The following EIF4G3 variants were observed in gnomAD, a reference collection of about 807,000 sequenced individuals.
EIF4G3 encodes the protein eukaryotic translation initiation factor 4 gamma 3, also known as eIF-4-gamma 3.
Under a neutral mutation model 186.4 loss-of-function variants are expected in EIF4G3, and 34 were observed. The ratio of observed to expected loss-of-function variants is 0.18; its 90% confidence interval spans 0.14 to 0.24. The LOEUF (loss-of-function observed/expected upper bound fraction) is 0.24. Ranked by LOEUF, EIF4G3 falls within the 10% of genes least tolerant of loss-of-function variation. EIF4G3 has a pLI of 1.00. For missense variants in EIF4G3, 1,536 were observed against 1,948.5 expected (o/e 0.79, Z 3.99); for synonymous variants, 673 against 679.5 (o/e 0.99, Z 0.15).
At chr1:21,142,421 C>A (rs138411129) in intron 2 of EIF4G3, among the ~76,000 whole-genome samples, 2 of 152,022 alleles carry the variant, frequency 1.3e-5, no homozygotes, top group African/African-American at 2.4e-5. Flanking sequence ...GTAGGAGGAT[C>A]GCTTGAGCCT....
chr1:21,008,993 G>A (rs2086154501), intron 4 of EIF4G3, among the ~76,000 whole-genome samples: 1 of 152,168 alleles, frequency 6.6e-6, no homozygotes, highest in Non-Finnish European at 1.5e-5. Context: ...GGGGCTAGAT[G>A]CAAATCTATC....
intron 7 of EIF4G3, among the ~76,000 whole-genome samples, chr1:20,991,335 A>C (rs1471908746): frequency 6.6e-6 from 1 of 152,216 alleles, no homozygotes; most frequent in Non-Finnish European, 1.5e-5. Context: ...TGGGAGGCTA[A>C]GATGGGCGGA....
chr1:20,965,893 T>G (rs2074543650), intron 12 of EIF4G3, among the ~76,000 whole-genome samples: 1 of 152,216 alleles, frequency 6.6e-6, no homozygotes, highest in South Asian at 2.1e-4. Context: ...TAGAAAGCAA[T>G]GCTCTGGGAT....
chr1:21,155,609 T>A (rs1434063319), intron 2 of EIF4G3, among the ~76,000 whole-genome samples: 1 of 151,938 alleles, frequency 6.6e-6, no homozygotes, highest in East Asian at 1.9e-4. Flanking sequence ...TGCGGGAGAA[T>A]TGCTTGAGCC....
intron 12 of EIF4G3, among the ~76,000 whole-genome samples, chr1:20,956,196 C>A (rs1482210226): frequency 6.6e-6 from 1 of 152,184 alleles, no homozygotes; most frequent in African/African-American, 2.4e-5. Flanking sequence ...GTTTGACTGT[C>A]CCCACCCAAA....
At chr1:20,897,321 C>G (rs1278266606) in intron 16 of EIF4G3, among the ~76,000 whole-genome samples, 1 of 151,336 alleles carries the variant, frequency 6.6e-6, no homozygotes, top group Non-Finnish European at 1.5e-5. Flanking sequence ...AACTAAATAA[C>G]TTAAATAACT....
intron 30 of EIF4G3, among the ~76,000 whole-genome samples, chr1:20,840,219 C>G (rs901701903): frequency 6.6e-6 from 1 of 152,216 alleles, no homozygotes; most frequent in Non-Finnish European, 1.5e-5. Flanking sequence ...GAACCTGATC[C>G]ATGTACTTGT....
At chr1:21,158,864 A>G (rs954382545) in intron 2 of EIF4G3, among the ~76,000 whole-genome samples, 1 of 152,204 alleles carries the variant, frequency 6.6e-6, no homozygotes, top group Non-Finnish European at 1.5e-5. Context: ...ACTCAAAAAC[A>G]GAAATACCTA....
intron 12 of EIF4G3, among the ~76,000 whole-genome samples, chr1:20,963,227 G>A (rs1275841416): frequency 1.3e-5 from 2 of 151,948 alleles, no homozygotes; most frequent in African/African-American, 2.4e-5. Flanking sequence ...GTGTATTCAT[G>A]ACATACCTAA....
At chr1:21,159,612 C>T (rs965150493) in intron 2 of EIF4G3, among the ~76,000 whole-genome samples, 1 of 151,718 alleles carries the variant, frequency 6.6e-6, no homozygotes, top group African/African-American at 2.4e-5. Flanking sequence ...TGGTGGCGCA[C>T]GCCTGTAATT....
At position 20,806,635 on chromosome 1, in the gene EIF4G3, C is replaced by G. The variant is rs1470242643; in HGVS notation, c.*684G>C. On this transcript the variant is annotated 3_prime_UTR_variant, in exon 37 of 37. Coordinates refer to ENST00000602326, the MANE Select transcript of EIF4G3 (RefSeq NM_001391906.1). Reference sequence around the variant, plus strand: ...AAAGATTTCAAGAGTATTAAGAGTACTTTTCTCAGGGTAGCACTTTTTTTT... The same window carrying G: ...AAAGATTTCAAGAGTATTAAGAGTAGTTTTCTCAGGGTAGCACTTTTTTTT... 1.3e-5 allele frequency: 2 copies of G among 149,210 alleles called. No homozygotes were observed. Among genetic ancestry groups the G allele is most frequent in the East Asian group, 3.9e-4 (2 of 5,124 alleles). The allele number at this position is 149,210 out of a possible 1,614,324, so 9.2% of individuals were successfully genotyped here. A position where few individuals can be genotyped will look rare whatever the true frequency, so the allele number is the denominator to read the frequency against.
chr1:20,971,527 A>C (rs932094202), intron 11 of EIF4G3, among the ~76,000 whole-genome samples: 1 of 152,150 alleles, frequency 6.6e-6, no homozygotes, highest in Non-Finnish European at 1.5e-5. Flanking sequence ...TAGTTTCTTG[A>C]CTGTAGTGTC....
chr1:21,061,367 A>G (rs2094904560), intron 3 of EIF4G3, among the ~76,000 whole-genome samples: 1 of 152,196 alleles, frequency 6.6e-6, no homozygotes, highest in Non-Finnish European at 1.5e-5. Context: ...TCAACCTGTT[A>G]TTACTGTGAG....
chr1:20,973,757 A>C (rs192923099), intron 10 of EIF4G3, among the ~76,000 whole-genome samples: 2 of 152,340 alleles, frequency 1.3e-5, no homozygotes, highest in Non-Finnish European at 2.9e-5. Flanking sequence ...TCCTTTGAGT[A>C]CACCAATCTC....
intron 12 of EIF4G3, among the ~76,000 whole-genome samples, chr1:20,951,116 G>C (rs373578181): frequency 2.0e-5 from 3 of 151,604 alleles, no homozygotes; most frequent in African/African-American, 7.3e-5. Context: ...TTAAGATGTG[G>C]GTGAGTGTGG....
rs532532102 is a variant in EIF4G3, at chr1:21,093,507, G to A, written c.-271-4294C>T. On this transcript the variant is annotated intron_variant, in intron 2 of 36. Transcript: ENST00000602326. ...AACACTTTTACACTGTTGGTGGGAC[G>A]GTAAACTAGTTCAAACATTGTGGAA... Among the ~76,000 whole-genome samples the A allele has an allele frequency of 1.1e-4, 16 of 151,882 alleles. No individual in the cohort carries two copies. The South Asian group carries it at 2.5e-3, about 24-fold the overall frequency.
At chr1:20,826,513 CAG>C (rs1463113958) in intron 32 of EIF4G3, among the ~76,000 whole-genome samples, 1 of 85,288 alleles carries the variant, frequency 1.2e-5, no homozygotes, top group African/African-American at 4.5e-5. Context: ...TTTTTTGAGA[CAG>C]AGTCTTGCTC....
At chr1:20,996,197 A>C (rs2082258731) in intron 7 of EIF4G3, among the ~76,000 whole-genome samples, 2 of 152,354 alleles carry the variant, frequency 1.3e-5, no homozygotes, top group South Asian at 4.1e-4. Flanking sequence ...TTTACTTTTC[A>C]TAATAGTTTC....
intron 2 of EIF4G3, among the ~76,000 whole-genome samples, chr1:21,153,854 C>A (rs748193870): frequency 6.6e-6 from 1 of 152,014 alleles, no homozygotes; most frequent in Non-Finnish European, 1.5e-5. Context: ...CGTGAGCCAC[C>A]GAGACCGGCC....
Sources: gnomAD v4.1 joint callset for allele counts (sites outside exome capture counted in the v4.1 genomes callset) on GRCh38, gnomAD v4.1.1 for gene constraint, MANE v1.5 for transcripts, NCBI Gene and HGNC (gene_info 2026-07-23, HGNC 2026-07-21) for gene names.